The following RIMS2 variants were observed in gnomAD, a reference collection of about 807,000 sequenced individuals.
The protein encoded by RIMS2 is regulating synaptic membrane exocytosis 2, also known as regulating synaptic membrane exocytosis protein 2.
Under a neutral mutation model 174.4 loss-of-function variants are expected in RIMS2, and 59 were observed. The ratio of observed to expected loss-of-function variants is 0.34; its 90% CI spans 0.27 to 0.42. RIMS2 has a LOEUF of 0.42. Ranked by LOEUF, RIMS2 falls within the 10% of genes least tolerant of loss-of-function variation. The pLI, the probability that RIMS2 is intolerant of heterozygous loss-of-function variation, is 1.00. For synonymous variants in RIMS2, 606 were observed against 572.5 expected (o/e 1.06, Z -0.84); for missense variants, 1,620 against 1,666.3 (o/e 0.97, Z 0.48).
At chr8:103,519,782 AAACATTACGG>A (rs1416135764) in intron 1 of RIMS2, among the ~76,000 whole-genome samples, 1 of 150,628 alleles carries the variant, frequency 6.6e-6, no homozygotes, top group Non-Finnish European at 1.5e-5. Flanking sequence ...CCAGAGCCAG[AAACATTACGG>A]TTTAGACTCA....
intron 19 of RIMS2, chr8:104,093,540 A>G (rs750845208): frequency 2.1e-5 from 33 of 1,597,138 alleles, no homozygotes; most frequent in Non-Finnish European, 2.8e-5. Context: ...CAGTGATGTA[A>G]GTGATATATC....
intron 11 of RIMS2, among the ~76,000 whole-genome samples, chr8:103,929,295 C>G (rs2079414812): frequency 6.6e-6 from 1 of 151,618 alleles, no homozygotes; most frequent in Middle Eastern, 3.2e-3. Context: ...AAAGAATACT[C>G]TCTATCAGAC....
At chr8:104,188,273 G>A (rs2511644) in intron 19 of RIMS2, among the ~76,000 whole-genome samples, 55,012 of 130,304 alleles carry the variant, frequency 0.42, 10,690 homozygotes, top group Middle Eastern at 0.47. Context: ...ATAGATAGAT[G>A]GATGAAGTAT....
intron 2 of RIMS2, among the ~76,000 whole-genome samples, chr8:103,761,245 A>G (rs764745440): frequency 6.6e-6 from 1 of 152,254 alleles, no homozygotes; most frequent in Non-Finnish European, 1.5e-5. Flanking sequence ...AAGCTCTTTC[A>G]TATTCATGCC....
Position 103,783,292 on chromosome 8 carries a change from T to C in RIMS2, c.698+16755T>C, listed in dbSNP as rs548516048. ...CTTTTTTTTTTTTTTTATTATACTT[T>C]AAGTTTTAGGGTACATGTGCACATT... On this transcript the variant is annotated intron_variant, in intron 3 of 23. Transcript: ENST00000504942. 3.5e-4 allele frequency among the ~76,000 whole-genome samples: 53 copies of C among 151,466 alleles called. No individual in the cohort carries two copies. The East Asian group carries it at 7.8e-3, about 22-fold the overall frequency.
At chr8:103,605,659 G>T (rs56077819) in intron 1 of RIMS2, among the ~76,000 whole-genome samples, 27,481 of 151,670 alleles carry the variant, frequency 0.18, 2,737 homozygotes, top group African/African-American at 0.25. Flanking sequence ...AAACTATTGA[G>T]TATTGCCACA....
downstream of RIMS2, chr8:104,256,046 A>G (rs2099366950): frequency 6.6e-6 from 1 of 152,226 alleles, no homozygotes; most frequent in African/African-American, 2.4e-5. Context: ...CTTCAGTATC[A>G]AAAACAATGT....
At chr8:103,855,608 G>C (rs2099023389) in intron 3 of RIMS2, among the ~76,000 whole-genome samples, 1 of 151,928 alleles carries the variant, frequency 6.6e-6, no homozygotes, top group Admixed American at 6.6e-5. Context: ...CTTAATTTCA[G>C]TGTTTACCTA....
chr8:103,600,995 T>C (rs1188358418), intron 1 of RIMS2, among the ~76,000 whole-genome samples: 5 of 152,222 alleles, frequency 3.3e-5, no homozygotes, highest in Admixed American at 6.5e-5. Context: ...CTGTTTGTCA[T>C]TTGTATGTCT....
intron 1 of RIMS2, among the ~76,000 whole-genome samples, chr8:103,536,815 G>A (rs764398097): frequency 7.9e-5 from 12 of 152,138 alleles, no homozygotes; most frequent in East Asian, 1.9e-4. Context: ...ATCACAATTC[G>A]ATGTGAGATT....
chr8:103,579,241 CCT>C (rs946404523), intron 1 of RIMS2, among the ~76,000 whole-genome samples: 7 of 138,242 alleles, frequency 5.1e-5, no homozygotes, highest in African/African-American at 1.8e-4. Flanking sequence ...TCTCTCTCTC[CCT>C]CTCTCTCTGT....
chr8:103,573,533 T>C (rs1442390345), intron 1 of RIMS2, among the ~76,000 whole-genome samples: 2 of 152,222 alleles, frequency 1.3e-5, no homozygotes, highest in Admixed American at 6.5e-5. Context: ...GTTGTAGGTG[T>C]GCAGCTTTGT....
chr8:103,796,403 C>T (rs899274384), intron 3 of RIMS2, among the ~76,000 whole-genome samples: 1 of 152,054 alleles, frequency 6.6e-6, no homozygotes, highest in East Asian at 1.9e-4. Flanking sequence ...TCCTTTTATA[C>T]AAAAATAATT....
chr8:103,601,755 G>A (rs901742161), intron 1 of RIMS2, among the ~76,000 whole-genome samples: 3 of 151,682 alleles, frequency 2.0e-5, no homozygotes, highest in Non-Finnish European at 4.4e-5. Flanking sequence ...TTTAGTGAAA[G>A]TGATTTCCTC....
chr8:104,065,994 C>G (rs926689646), intron 19 of RIMS2, among the ~76,000 whole-genome samples: 2 of 152,122 alleles, frequency 1.3e-5, no homozygotes, highest in South Asian at 2.1e-4. Flanking sequence ...AATTTTTAAA[C>G]CATTTCTAAA....
Position 103,717,605 on chromosome 8 carries a change from A to G in RIMS2, c.387+20309A>G, listed in dbSNP as rs551779179. On this transcript the variant is annotated intron_variant, in intron 2 of 23. Coordinates refer to ENST00000504942, the Ensembl canonical transcript of RIMS2. The stretch of plus-strand genomic sequence containing the variant: ...GCTTCCACAATGAATTCTGATACCC[A>G]TCCCAGAAATGAGGCACTTGATGAT... Among the ~76,000 whole-genome samples the G allele has an allele frequency of 3.9e-5, 6 of 152,362 alleles. No homozygotes were observed. The East Asian group carries it at 7.7e-4, about 20-fold the overall frequency.
chr8:103,570,008 T>C (rs996404607), intron 1 of RIMS2, among the ~76,000 whole-genome samples: 1 of 152,226 alleles, frequency 6.6e-6, no homozygotes, highest in Non-Finnish European at 1.5e-5. Context: ...GGAAATACAA[T>C]TGATCTTTGA....
intron 1 of RIMS2, chr8:103,558,973 T>G (rs2091064866): frequency 6.6e-6 from 1 of 152,288 alleles, no homozygotes; most frequent in Admixed American, 6.6e-5. Flanking sequence ...TGGGCCTCTC[T>G]CCTCAAAGGT....
intron 3 of RIMS2, among the ~76,000 whole-genome samples, chr8:103,881,147 A>G (rs1167960118): frequency 6.6e-6 from 1 of 151,540 alleles, no homozygotes; most frequent in African/African-American, 2.4e-5. Flanking sequence ...TAATTTAATA[A>G]TATAAAATTT....
Sources: allele counts gnomAD v4.1 joint callset (sites outside exome capture counted in the v4.1 genomes callset), GRCh38; gene constraint gnomAD v4.1.1; transcripts MANE v1.5; gene names NCBI Gene and HGNC (gene_info 2026-07-23, HGNC 2026-07-21).